The following CDH8 variants were observed in gnomAD, a reference collection of about 807,000 sequenced individuals.
The protein encoded by CDH8 is cadherin-8.
Under a neutral mutation model 68.1 loss-of-function variants are expected in CDH8, and 17 were observed. The ratio of observed to expected loss-of-function variants is 0.25; its 90% CI spans 0.17 to 0.37. The LOEUF (loss-of-function observed/expected upper bound fraction) is 0.37. CDH8 is among the 10% of genes least tolerant of loss of function. CDH8 has a pLI of 1.00. For missense variants in CDH8, 763 were observed against 999.3 expected, an observed-to-expected ratio of 0.76 and a Z score of 3.19; for synonymous variants, 372 against 365.1, an observed-to-expected ratio of 1.02 and a Z score of -0.21.
intron 8 of CDH8, among the ~76,000 whole-genome samples, chr16:61,770,878 CA>C (rs1373768350): frequency 1.3e-5 from 2 of 151,904 alleles, no homozygotes; most frequent in South Asian, 2.1e-4. Flanking sequence ...GATAGGTGGG[CA>C]AAAAATGTGT....
At chr16:61,997,290 A>G (rs920602856) in intron 2 of CDH8, among the ~76,000 whole-genome samples, 1 of 152,124 alleles carries the variant, frequency 6.6e-6, no homozygotes, top group Non-Finnish European at 1.5e-5. Flanking sequence ...CGTAATGCAT[A>G]TTTCTTTGAA....
chr16:61,652,363 G>T lies in CDH8; in HGVS notation c.*1245C>A. The stretch of plus-strand genomic sequence containing the variant: ...AATTGAAGCATGTTTATTGGGCAGG[G>T]CATGATGTAGGTATCTAAAAGTCTA... On this transcript the variant is annotated 3_prime_UTR_variant, in exon 12 of 12. Transcript: ENST00000577390. 1.0e-6 allele frequency: 1 copy of T among 984,270 alleles called. No homozygotes were observed. Among genetic ancestry groups the T allele is most frequent in the Non-Finnish European group, 1.2e-6 (1 of 828,910 alleles). The allele number at this position is 984,270 out of a possible 1,614,324, so 61.0% of individuals were successfully genotyped here.
At chr16:61,847,847 ATCTG>A (rs1156597829) in intron 4 of CDH8, among the ~76,000 whole-genome samples, 23 of 151,382 alleles carry the variant, frequency 1.5e-4, no homozygotes, top group Admixed American at 3.3e-4. Flanking sequence ...CTATCAATCA[ATCTG>A]TCTGTCTGTC....
At chr16:62,015,888 T>G (rs544617224) in intron 2 of CDH8, among the ~76,000 whole-genome samples, 11 of 152,290 alleles carry the variant, frequency 7.2e-5, no homozygotes, top group African/African-American at 2.6e-4. Flanking sequence ...ACCCTGATCT[T>G]AAAGATTACC....
chr16:61,769,255 T>C (rs547369819), intron 8 of CDH8, among the ~76,000 whole-genome samples: 3 of 151,868 alleles, frequency 2.0e-5, no homozygotes, highest in African/African-American at 4.8e-5. Flanking sequence ...CTTTGAATAT[T>C]ATGGTCTTAA....
intron 10 of CDH8, among the ~76,000 whole-genome samples, chr16:61,688,275 A>G (rs1013719367): frequency 6.6e-6 from 1 of 152,010 alleles, no homozygotes; most frequent in Non-Finnish European, 1.5e-5. Flanking sequence ...TCTGACACAA[A>G]CCAAATATGT....
At chr16:62,018,861 A>G (rs565763822) in intron 2 of CDH8, among the ~76,000 whole-genome samples, 5 of 152,216 alleles carry the variant, frequency 3.3e-5, no homozygotes, top group Non-Finnish European at 7.3e-5. Flanking sequence ...TCACGTGTCA[A>G]TAAGTCACAA....
intron 2 of CDH8, among the ~76,000 whole-genome samples, chr16:61,911,620 TA>T (rs1421514804): frequency 2.7e-5 from 3 of 111,744 alleles, no homozygotes; most frequent in East Asian, 2.4e-4. Flanking sequence ...ATGAATTCCC[TA>T]AACCCCCCCC....
chr16:61,893,687 A>G (rs1963819295), intron 3 of CDH8, among the ~76,000 whole-genome samples: 1 of 152,158 alleles, frequency 6.6e-6, no homozygotes, highest in African/African-American at 2.4e-5. Flanking sequence ...TCAAAGAATG[A>G]TGGAGGCATG....
chr16:61,668,903 C>T (rs1330188599), intron 10 of CDH8, among the ~76,000 whole-genome samples: 3 of 151,970 alleles, frequency 2.0e-5, no homozygotes, highest in Non-Finnish European at 4.4e-5. Flanking sequence ...CTCATTAACA[C>T]ATTTGATATA....
At position 61,692,356 on chromosome 16, in the gene CDH8, G is replaced by T. The variant is rs560271458; in HGVS notation, c.1654+21485C>A. 3 of 152,140 alleles carry T rather than the reference G, an allele frequency of 2.0e-5. No homozygotes were observed. In the East Asian group the frequency reaches 5.8e-4, roughly 29 times the overall value. The allele number at this position is 152,140 out of a possible 1,614,324, so 9.4% of individuals were successfully genotyped here. On this transcript the variant is annotated intron_variant, in intron 10 of 11. Coordinates refer to ENST00000577390, the MANE Select transcript of CDH8 (RefSeq NM_001796.5). Reference sequence around the variant, plus strand: ...ATTGCAGTTTGACGCATTTCTTCCTGCAGATCTAGCTGTATAAAAATGTCT... The same window carrying T: ...ATTGCAGTTTGACGCATTTCTTCCTTCAGATCTAGCTGTATAAAAATGTCT...
intron 10 of CDH8, among the ~76,000 whole-genome samples, chr16:61,699,235 C>T (rs1964379148): frequency 6.6e-6 from 1 of 152,160 alleles, no homozygotes; most frequent in Non-Finnish European, 1.5e-5. Flanking sequence ...ATGCAAAACT[C>T]CACGTTTTAG....
chr16:61,754,949 G>C (rs1376163622), intron 8 of CDH8, among the ~76,000 whole-genome samples: 6 of 152,204 alleles, frequency 3.9e-5, no homozygotes, highest in African/African-American at 1.4e-4. Flanking sequence ...GCAGGCATCA[G>C]TCTACTGTTG....
chr16:61,665,391 A>G (rs77361537), intron 10 of CDH8, among the ~76,000 whole-genome samples: 17,577 of 152,064 alleles, frequency 0.12, 1,166 homozygotes, highest in East Asian at 0.15. Context: ...TTCTGAGCAA[A>G]CTAACACAGG....
intron 9 of CDH8, among the ~76,000 whole-genome samples, chr16:61,724,016 A>G (rs2142887093): frequency 6.6e-6 from 1 of 150,812 alleles, no homozygotes; most frequent in East Asian, 1.9e-4. Flanking sequence ...ATTAGCAATG[A>G]TAACATATAT....
intron 4 of CDH8, among the ~76,000 whole-genome samples, chr16:61,853,660 T>G (rs1249580134): frequency 6.6e-6 from 1 of 152,114 alleles, no homozygotes. Flanking sequence ...AGACCTATCA[T>G]GTAAAGAACC....
chr16:61,863,585 C>T (rs75054972), intron 3 of CDH8, among the ~76,000 whole-genome samples: 55 of 152,006 alleles, frequency 3.6e-4, no homozygotes, highest in African/African-American at 1.2e-3. Flanking sequence ...TTTGGTGCAG[C>T]GTAAAAATGT....
At chr16:61,782,513 G>A (rs1368722169) in intron 8 of CDH8, among the ~76,000 whole-genome samples, 1 of 152,052 alleles carries the variant, frequency 6.6e-6, no homozygotes, top group Non-Finnish European at 1.5e-5. Context: ...GGCTGGGGGA[G>A]GGGCGCCCGC....
intron 2 of CDH8, among the ~76,000 whole-genome samples, chr16:61,939,292 T>C (rs1487337910): frequency 6.6e-6 from 1 of 152,150 alleles, no homozygotes; most frequent in Non-Finnish European, 1.5e-5. Context: ...AAAACATGAA[T>C]TGGAAAAAAC....
Sources: gnomAD v4.1 joint callset for allele counts (sites outside exome capture counted in the v4.1 genomes callset) on GRCh38, gnomAD v4.1.1 for gene constraint, MANE v1.5 for transcripts, NCBI Gene and HGNC (gene_info 2026-07-23, HGNC 2026-07-21) for gene names.